Variants in ZFYVE9 observed in about 807,000 individuals in gnomAD.
The protein encoded by ZFYVE9 is zinc finger FYVE domain-containing protein 9.
In ZFYVE9, 43 loss-of-function variants were observed where a neutral mutation model predicts 126.7. The ratio of observed to expected loss-of-function variants is 0.34; its 90% CI spans 0.27 to 0.44. The LOEUF (loss-of-function observed/expected upper bound fraction) is 0.44, where lower values mean the gene tolerates loss of function less well. Ranked by LOEUF, ZFYVE9 falls within the 20% of genes least tolerant of loss-of-function variation. ZFYVE9 has a pLI of 1.00. For missense variants in ZFYVE9, 1,476 were observed against 1,697.0 expected (o/e 0.87, Z 2.29); for synonymous variants, 521 against 597.4 (o/e 0.87, Z 1.87).
rs536701160 is a variant in ZFYVE9 at position 52,180,703 on chromosome 1, C to T, written c.-142-35666C>T. 4.8e-4 allele frequency: 163 copies of T among 339,168 alleles called. 4 individuals are homozygous for T. The highest frequency in any genetic ancestry group is 4.3e-3 in the South Asian group (156 of 36,318). 21.0% of individuals were successfully genotyped at this position (339,168 alleles called of 1,614,324 possible). On this transcript the variant is annotated intron_variant, in intron 1 of 18. Coordinates refer to ENST00000287727, the MANE Select transcript of ZFYVE9 (RefSeq NM_004799.4). The stretch of plus-strand genomic sequence containing the variant: ...GAAATAATCATTGCTGGGCCGGGCG[C>T]GGTGGCTTACGCCTGTAATCCCAGT...
Position 52,229,258 on chromosome 1 carries a change from A to G in ZFYVE9, c.-36-3913A>G, listed in dbSNP as rs530993754. 1.1e-4 allele frequency among the ~76,000 whole-genome samples: 17 copies of G among 152,296 alleles called. No individual in the cohort carries two copies. In the South Asian group the frequency reaches 3.3e-3, roughly 30 times the overall value. ...GTCTCCTCATGATTAAATCGGCTAAATGTTTTGGCAAGAATACTGTATAGG... is the reference window on the plus strand; with the variant it reads ...GTCTCCTCATGATTAAATCGGCTAAGTGTTTTGGCAAGAATACTGTATAGG... On this transcript the variant is annotated intron_variant, in intron 2 of 18. Coordinates refer to ENST00000287727, the MANE Select transcript of ZFYVE9 (RefSeq NM_004799.4).
In ZFYVE9 at chr1:52,238,241, C is replaced by T. The variant is rs1645295306; in HGVS notation, c.824C>T (p.Thr275Ile). 6.2e-7 allele frequency: 1 copy of T among 1,614,070 alleles called. No homozygotes were observed. The highest frequency in any genetic ancestry group is 8.5e-7 in the Non-Finnish European group (1 of 1,179,972). ...GATTCAGTAATCTCATCCCAGGGAA[C>T]AGATGGATGTCCTGCTGTTAAAAAG... ...TVDSVISSQG[T>I]DGCPAVKKQE... The change falls in exon 4 of 19, where the codon ACA (threonine) becomes ATA (isoleucine). Residue 275 changes from threonine (T) to isoleucine (I), a missense_variant. This residue lies in a region of ZFYVE9 where 807 missense variants were observed against 794.6 expected (regional missense o/e 1.02). Transcript: ENST00000287727.
intron 10 of ZFYVE9, among the ~76,000 whole-genome samples, chr1:52,289,388 G>A (rs2147825299): frequency 6.6e-6 from 1 of 152,230 alleles, no homozygotes; most frequent in African/African-American, 2.4e-5. Context: ...GCACTGATCT[G>A]ATGATTACCT....
At chr1:52,264,580 A>G (rs1448731007) in intron 5 of ZFYVE9, among the ~76,000 whole-genome samples, 1 of 152,226 alleles carries the variant, frequency 6.6e-6, no homozygotes, top group East Asian at 1.9e-4. Flanking sequence ...TGTTCAGGTT[A>G]TAGTATTTTC....
intron 1 of ZFYVE9, chr1:52,162,381 C>T (rs754129957): frequency 2.6e-5 from 9 of 339,932 alleles, no homozygotes; most frequent in Non-Finnish European, 4.7e-5. Flanking sequence ...CCGCCACCAC[C>T]ACTATGAGTT....
rs1644717396 is a variant in ZFYVE9, at chr1:52,182,305, A to G, written c.-142-34064A>G. ...TGACAGTGGCGGTTTTGTGGAATAG[A>G]AAAGGGGGAAAGGTGGGGAAAAGAT... On this transcript the variant is annotated intron_variant, in intron 1 of 18. Transcript: ENST00000287727. 2.6e-5 allele frequency among the ~76,000 whole-genome samples: 4 copies of G among 152,124 alleles called. No individual in the cohort carries two copies. The South Asian group carries it at 8.3e-4, about 31-fold the overall frequency.
chr1:52,169,461 A>G (rs1644544201), intron 1 of ZFYVE9, among the ~76,000 whole-genome samples: 1 of 152,070 alleles, frequency 6.6e-6, no homozygotes, highest in South Asian at 2.1e-4. Flanking sequence ...TCATCTTAAC[A>G]CGTCATCTAG....
At chr1:52,197,567 G>A (rs889024862) in intron 1 of ZFYVE9, among the ~76,000 whole-genome samples, 2 of 152,026 alleles carry the variant, frequency 1.3e-5, no homozygotes, top group Non-Finnish European at 2.9e-5. Flanking sequence ...TAGAAGAGGA[G>A]GAGTCAGGGA....
intron 2 of ZFYVE9, among the ~76,000 whole-genome samples, chr1:52,229,152 G>A (rs983009975): frequency 8.5e-5 from 13 of 152,228 alleles, no homozygotes; most frequent in African/African-American, 3.1e-4. Flanking sequence ...ACAGATGTGA[G>A]CCACTGCGCC....
rs181723910 is a variant in ZFYVE9 at position 52,319,825 on chromosome 1, C to T, written c.3439-12943C>T. 6.3e-3 allele frequency among the ~76,000 whole-genome samples: 952 copies of T among 151,162 alleles called. 3 individuals are homozygous for T. Among genetic ancestry groups the T allele is most frequent in the Middle Eastern group, 0.01 (3 of 290 alleles). On this transcript the variant is annotated intron_variant, in intron 13 of 18. Transcript: ENST00000287727. ...GTCAGGAGATCGAGACCATCCTGGC[C>T]AACATGGTGAAATCCCATCTCTACT...
intron 4 of ZFYVE9, chr1:52,252,809 A>G (rs1645464597): frequency 2.8e-6 from 1 of 356,024 alleles, no homozygotes; most frequent in Non-Finnish European, 5.8e-6. Context: ...AGCATGGCTC[A>G]TCCCAGCCCA....
chr1:52,289,248 G>A (rs1215642964), intron 10 of ZFYVE9, among the ~76,000 whole-genome samples: 3 of 152,108 alleles, frequency 2.0e-5, no homozygotes, highest in Non-Finnish European at 2.9e-5. Context: ...TGCTTTCTAG[G>A]TTTTACTTTG....
Position 52,181,897 on chromosome 1 carries a change from G to A in ZFYVE9, c.-142-34472G>A, listed in dbSNP as rs566574572. Among the ~76,000 whole-genome samples, 17 of 151,322 alleles carry A rather than the reference G, an allele frequency of 1.1e-4. No homozygotes were observed. The East Asian group carries it at 2.8e-3, about 25-fold the overall frequency. On this transcript the variant is annotated intron_variant, in intron 1 of 18. Coordinates refer to ENST00000287727, the MANE Select transcript of ZFYVE9 (RefSeq NM_004799.4). ...AGCCCCTCCGCCCGGCAGCCACCCC[G>A]TCTGGGAAGTAAGGAGCGTCTCCGC...
At chr1:52,302,399 C>A (rs1646043800) in intron 12 of ZFYVE9, among the ~76,000 whole-genome samples, 1 of 152,178 alleles carries the variant, frequency 6.6e-6, no homozygotes, top group Non-Finnish European at 1.5e-5. Context: ...TAACTTTTAT[C>A]ATTTGTTCAC....
At chr1:52,195,208 T>C (rs951732060) in intron 1 of ZFYVE9, among the ~76,000 whole-genome samples, 1 of 152,194 alleles carries the variant, frequency 6.6e-6, no homozygotes, top group Non-Finnish European at 1.5e-5. Context: ...TGAGCACAGC[T>C]TCTAGCTCAT....
intron 13 of ZFYVE9, among the ~76,000 whole-genome samples, chr1:52,307,233 TTTTTG>T (rs1012438302): frequency 1.3e-5 from 2 of 152,176 alleles, no homozygotes; most frequent in Non-Finnish European, 2.9e-5. Context: ...TATTTCTTTT[TTTTTG>T]TTTTGTTTTG....
chr1:52,243,642 G>A (rs1403918365), intron 4 of ZFYVE9, among the ~76,000 whole-genome samples: 1 of 152,078 alleles, frequency 6.6e-6, no homozygotes, highest in East Asian at 1.9e-4. Context: ...AGATGGGAAA[G>A]CAGGTGGGGT....
In ZFYVE9 at chr1:52,344,958, T is replaced by A; in HGVS notation, c.4116+14T>A. The stretch of plus-strand genomic sequence containing the variant: ...GACTCAGATCAGGTATGATGTGTCT[T>A]CCGCAGCTTTTAAAGCTGGCCTTGG... On this transcript the variant is annotated intron_variant, in intron 18 of 18. Transcript: ENST00000287727. 1.9e-6 allele frequency: 3 copies of A among 1,611,402 alleles called. No homozygotes were observed. The highest frequency in any genetic ancestry group is 2.5e-6 in the Non-Finnish European group (3 of 1,177,692).
intron 4 of ZFYVE9, among the ~76,000 whole-genome samples, chr1:52,261,555 A>G (rs1645580836): frequency 6.6e-6 from 1 of 152,224 alleles, no homozygotes; most frequent in African/African-American, 2.4e-5. Flanking sequence ...TATTTGTGGA[A>G]TAAATGAGTG....
Sources: allele counts gnomAD v4.1 joint callset (sites outside exome capture counted in the v4.1 genomes callset), GRCh38; gene constraint gnomAD v4.1.1; regional missense constraint gnomAD v4.1.1; transcripts MANE v1.5; gene names NCBI Gene and HGNC (gene_info 2026-07-23, HGNC 2026-07-21).